Variants in SUSD1 observed in about 807,000 individuals in gnomAD.
SUSD1 encodes the protein sushi domain-containing protein 1.
In SUSD1, 65 loss-of-function variants were observed where a neutral mutation model predicts 86.9. The observed-to-expected ratio is 0.75, with a 90% CI of 0.61 to 0.92. The LOEUF is 0.92. Among genes scored for constraint, SUSD1 ranks in the 40% least tolerant of loss-of-function variants. The pLI, the probability that SUSD1 is intolerant of heterozygous loss-of-function variation, is 0.00. For missense variants in SUSD1, 850 were observed against 929.7 expected, an observed-to-expected ratio of 0.91 and a Z score of 1.11; for synonymous variants, 346 against 350.0, an observed-to-expected ratio of 0.99 and a Z score of 0.13.
intron 2 of SUSD1, among the ~76,000 whole-genome samples, chr9:112,152,610 A>C (rs1452501239): frequency 7.0e-6 from 1 of 142,288 alleles, no homozygotes; most frequent in Non-Finnish European, 1.5e-5. Flanking sequence ...GGGTCTCAAT[A>C]TGTTGCTCAG....
intron 14 of SUSD1, among the ~76,000 whole-genome samples, chr9:112,055,889 T>G (rs1378559163): frequency 6.6e-6 from 1 of 152,164 alleles, no homozygotes; most frequent in Non-Finnish European, 1.5e-5. Flanking sequence ...TTAGGCTAAA[T>G]GAAATAAGCC....
chr9:112,052,759 C>T (rs1332907500), intron 14 of SUSD1, among the ~76,000 whole-genome samples: 2 of 152,146 alleles, frequency 1.3e-5, no homozygotes, highest in South Asian at 4.1e-4. Flanking sequence ...CTGGCATGGA[C>T]CGCCTAGAGA....
In SUSD1 at chr9:112,111,753, C is replaced by A; in HGVS notation, c.1072G>T (p.Val358Leu). ...GTGCCTGGGTACAGGGCTAGGCACA[C>A]TTCTGGGGTCCTGCTGTCTGTGGTC... Reference protein sequence around the residue: ...NLTTDSRTPEVCLALYPGTNY... With the variant: ...NLTTDSRTPELCLALYPGTNY... The change falls in exon 8 of 17, where the codon GTG becomes TTG. Residue 358 changes from valine to leucine, a missense_variant. Coordinates refer to ENST00000374270, the MANE Select transcript of SUSD1 (RefSeq NM_022486.5). 6.2e-7 allele frequency: 1 copy of A among 1,614,188 alleles called. No individual in the cohort carries two copies. The highest frequency in any genetic ancestry group is 8.5e-7 in the Non-Finnish European group (1 of 1,180,030).
chr9:112,157,071 A>G (rs1317426848), intron 2 of SUSD1, among the ~76,000 whole-genome samples: 1 of 152,254 alleles, frequency 6.6e-6, no homozygotes, highest in African/African-American at 2.4e-5. Flanking sequence ...TCTGACAGAC[A>G]TAAGACCCAA....
In SUSD1 at chr9:112,167,765, T is replaced by A. The variant is rs144804363; in HGVS notation, c.103+7368A>T. 4.1e-4 allele frequency among the ~76,000 whole-genome samples: 62 copies of A among 152,300 alleles called. No individual in the cohort carries two copies. In the East Asian group the frequency reaches 9.4e-3, roughly 23 times the overall value. On this transcript the variant is annotated intron_variant, in intron 1 of 16. Coordinates refer to ENST00000374270, the MANE Select transcript of SUSD1 (RefSeq NM_022486.5). ...TCAAAAGTAAATGAGTGTATATTAG[T>A]CTTTCTTCATGCTGCTGATAAAGAC... is the stretch of plus-strand genomic sequence containing the variant.
At chr9:112,120,702 T>C (rs1329363511) in intron 6 of SUSD1, among the ~76,000 whole-genome samples, 1 of 152,260 alleles carries the variant, frequency 6.6e-6, no homozygotes, top group African/African-American at 2.4e-5. Flanking sequence ...CTGAGGATGG[T>C]AATTATAATT....
Position 112,068,807 on chromosome 9 carries a change from T to C in SUSD1, c.1754-5774A>G, listed in dbSNP as rs75952158. 2.6e-5 allele frequency among the ~76,000 whole-genome samples: 4 copies of C among 151,846 alleles called. No individual in the cohort carries two copies. The East Asian group carries it at 5.8e-4, about 22-fold the overall frequency. ...AAGGGCAAAAATACAGGTTGTCCAA[T>C]AATCCAGGTCGGAAGTGCTCGAGGT... On this transcript the variant is annotated intron_variant, in intron 12 of 16. Transcript: ENST00000374270.
At chr9:112,158,426 T>C (rs1833430724) in intron 1 of SUSD1, among the ~76,000 whole-genome samples, 2 of 152,142 alleles carry the variant, frequency 1.3e-5, no homozygotes, top group Non-Finnish European at 2.9e-5. Flanking sequence ...AGTCTGACTC[T>C]GTTGCCCAGG....
chr9:112,163,984 G>C (rs1416485321), intron 1 of SUSD1, among the ~76,000 whole-genome samples: 9 of 150,908 alleles, frequency 6.0e-5, no homozygotes, highest in Non-Finnish European at 1.2e-4. Context: ...CTGGGCAACA[G>C]ATCAAGACTC....
In SUSD1 at chr9:112,175,187, G is replaced by C. The variant is rs973488615; in HGVS notation, c.49C>G (p.Leu17Val). The C allele has an allele frequency of 1.8e-6, 2 of 1,142,248 alleles. No individual in the cohort carries two copies. Among genetic ancestry groups the C allele is most frequent in the African/African-American group, 3.3e-5 (2 of 60,788 alleles). The allele number at this position is 1,142,248 out of a possible 1,614,324, so 70.8% of individuals were successfully genotyped here. A position where few individuals can be genotyped will look rare whatever the true frequency, so the allele number is the denominator to read the frequency against. Reference sequence around the variant, plus strand: ...CGGGCCAGGCCGAGCAGCAGCAACAGCGGCAGCAGGCGGCGAGACGGGCCC... The same window carrying C: ...CGGGCCAGGCCGAGCAGCAGCAACACCGGCAGCAGGCGGCGAGACGGGCCC... ...DAGPSRRLLP[L>V]LLLLGLARGA... The change falls in exon 1 of 17, where the codon CTG becomes GTG. Residue 17 changes from leucine (L) to valine (V), a missense_variant. Leu to Val is a conservative substitution (Grantham distance 32, BLOSUM62 1). Coordinates refer to ENST00000374270, the MANE Select transcript of SUSD1 (RefSeq NM_022486.5). This position sits in a 1 kb window ranked among gnomAD's most constrained non-coding sequence, Gnocchi z 4.7.
intron 1 of SUSD1, among the ~76,000 whole-genome samples, chr9:112,159,404 T>TA (rs1164558671): frequency 6.6e-6 from 1 of 152,108 alleles, no homozygotes; most frequent in Non-Finnish European, 1.5e-5. Flanking sequence ...GCGTGTTTTT[T>TA]AAAAAAATAA....
intron 8 of SUSD1, among the ~76,000 whole-genome samples, chr9:112,110,997 G>GT (rs200617783): frequency 0.12 from 18,342 of 150,970 alleles, 1,334 homozygotes; most frequent in Admixed American, 0.2. Context: ...GGTTTTTTTG[G>GT]GTTTTTTTTG....
At chr9:112,065,927 T>C (rs751473328) in intron 12 of SUSD1, among the ~76,000 whole-genome samples, 1 of 152,248 alleles carries the variant, frequency 6.6e-6, no homozygotes, top group Admixed American at 6.5e-5. Flanking sequence ...ATGATATCAC[T>C]TGAGCTACTA....
At chr9:112,076,888 C>T (rs1829538964) in intron 12 of SUSD1, among the ~76,000 whole-genome samples, 2 of 152,096 alleles carry the variant, frequency 1.3e-5, no homozygotes, top group South Asian at 4.1e-4. Context: ...CAAAACTGGC[C>T]ATTGGATTTG....
At chr9:112,130,752 G>A (rs1025937087) in intron 5 of SUSD1, among the ~76,000 whole-genome samples, 1 of 151,916 alleles carries the variant, frequency 6.6e-6, no homozygotes, top group African/African-American at 2.4e-5. Context: ...AGCCAGGCAA[G>A]GTGGCTTACG....
chr9:112,112,939 GTC>G (rs1831167358), intron 6 of SUSD1, 71 bp from the exon 7 acceptor site: 1 of 891,804 alleles, frequency 1.1e-6, no homozygotes, highest in African/African-American at 1.6e-5. Context: ...AAGGAGATCA[GTC>G]TCTCTGCATA....
intron 15 of SUSD1, among the ~76,000 whole-genome samples, chr9:112,050,490 G>T (rs1016706568): frequency 6.6e-6 from 1 of 152,168 alleles, no homozygotes; most frequent in Non-Finnish European, 1.5e-5. Context: ...ATTCTCTACT[G>T]ACAGGATAAA....
chr9:112,056,651 G>C (rs1828462862), intron 14 of SUSD1, among the ~76,000 whole-genome samples: 1 of 152,010 alleles, frequency 6.6e-6, no homozygotes, highest in African/African-American at 2.4e-5. Context: ...CTTCTGTTCA[G>C]CTACATGAAA....
At chr9:112,052,774 T>G (rs1828275508) in intron 14 of SUSD1, among the ~76,000 whole-genome samples, 1 of 152,170 alleles carries the variant, frequency 6.6e-6, no homozygotes, top group African/African-American at 2.4e-5. Flanking sequence ...TAGAGAATTA[T>G]GCTGAAAAGG....
Sources: allele counts gnomAD v4.1 joint callset (sites outside exome capture counted in the v4.1 genomes callset), GRCh38; gene constraint gnomAD v4.1.1; non-coding constraint Gnocchi (gnomAD v3.1); transcripts MANE v1.5; gene names NCBI Gene and HGNC (gene_info 2026-07-23, HGNC 2026-07-21).